The following WDR44 variants were observed in gnomAD, a reference collection of about 807,000 sequenced individuals.
WDR44 encodes the protein WD repeat-containing protein 44.
A neutral mutation model predicts 65.7 loss-of-function variants in WDR44; 9 were observed. The ratio of observed to expected loss-of-function variants is 0.14; its 90% CI spans 0.08 to 0.24. The LOEUF (loss-of-function observed/expected upper bound fraction) is 0.24. WDR44 is among the 10% of genes least tolerant of loss of function. The pLI, the probability that WDR44 is intolerant of heterozygous loss-of-function variation, is 1.00. For synonymous variants in WDR44, 220 were observed against 235.2 expected (o/e 0.94, Z 0.59); for missense variants, 425 against 670.9 (o/e 0.63, Z 4.05).
At position 118,352,318 on chromosome X, in the gene WDR44, T is replaced by TTATA. The variant is rs1234642278; in HGVS notation, c.77+5770_77+5773dup. On this transcript the variant is annotated intron_variant, in intron 1 of 19. Coordinates refer to ENST00000254029, the MANE Select transcript of WDR44 (RefSeq NM_019045.5). ...ATGTGCACCACCACGCCCAGCTAATTTATATATATATATATATATATATAT... is the reference window on the plus strand; with the variant it reads ...ATGTGCACCACCACGCCCAGCTAATTTATATATATATATATATATATATATATAT... 7.4e-3 allele frequency among the ~76,000 whole-genome samples: 124 copies of TTATA among 16,842 alleles called. 2 individuals are homozygous for TTATA. Among genetic ancestry groups the TTATA allele is most frequent in the Non-Finnish European group, 9.9e-3 (105 of 10,603 alleles). The allele number at this position is 16,842 out of a possible 115,157, so 14.6% of individuals were successfully genotyped here. A position where few individuals can be genotyped will look rare whatever the true frequency, so the allele number is the denominator to read the frequency against.
chrX:118,375,094 A>T (rs1002421944), intron 1 of WDR44, among the ~76,000 whole-genome samples: 7 of 111,890 alleles, frequency 6.3e-5, no homozygotes, highest in Non-Finnish European at 1.3e-4. Flanking sequence ...TAATTAGCCA[A>T]TAACTTTGAT....
chrX:118,432,955 C>A, intron 13 of WDR44, 61 bp downstream of exon 13: 1 of 1,026,155 alleles, frequency 9.7e-7, no homozygotes, highest in Non-Finnish European at 1.4e-6. Context: ...ATGCTGTAGT[C>A]TTAAAGCAGA....
In WDR44 at chrX:118,387,428, A is replaced by G. The variant is rs1170955329; in HGVS notation, c.186+14A>G. The G allele has an allele frequency of 8.9e-7, 1 of 1,126,640 alleles. No individual in the cohort carries two copies. The highest frequency in any genetic ancestry group is 2.0e-5 in the South Asian group (1 of 51,135). 92.8% of individuals were successfully genotyped at this position (1,126,640 alleles called of 1,213,427 possible). ...GTGTCTAAAAAGGTTGGAAAGATAC[A>G]ATGTCAATATTAGTTTATAGCAGAC... On this transcript the variant is annotated intron_variant, in intron 3 of 19. Transcript: ENST00000254029.
intron 17 of WDR44, among the ~76,000 whole-genome samples, chrX:118,443,011 G>T (rs1005811176): frequency 3.3e-4 from 37 of 110,857 alleles, no homozygotes; most frequent in African/African-American, 1.2e-3. Flanking sequence ...GGCTCATCCC[G>T]CCACTCCCCT....
At chrX:118,421,628 G>A (rs1365047887) in intron 12 of WDR44, among the ~76,000 whole-genome samples, 1 of 111,296 alleles carries the variant, frequency 9.0e-6, no homozygotes, top group African/African-American at 3.3e-5. Flanking sequence ...TCAGTCTTTT[G>A]TCTTAGCATC....
At chrX:118,417,896 T>C (rs777170065) in intron 12 of WDR44, among the ~76,000 whole-genome samples, 16 of 112,121 alleles carry the variant, frequency 1.4e-4, no homozygotes, top group African/African-American at 4.9e-4. Flanking sequence ...CTTTTTTCTT[T>C]GTCTTTGTTG....
chrX:118,409,363 T>G, intron 10 of WDR44, 126 bp from the exon 11 acceptor site: 1 of 666,418 alleles, frequency 1.5e-6, no homozygotes, highest in Non-Finnish European at 2.2e-6. Context: ...CTCCTGACCT[T>G]AGGTGATCCA....
chrX:118,386,237 GT>G (rs759101682), intron 2 of WDR44, among the ~76,000 whole-genome samples: 2 of 110,618 alleles, frequency 1.8e-5, no homozygotes, highest in Middle Eastern at 4.7e-3. Flanking sequence ...AAGAATTATG[GT>G]TTTTTTTCCT....
chrX:118,373,952 A>G (rs1239503773), intron 1 of WDR44, among the ~76,000 whole-genome samples: 2 of 110,546 alleles, frequency 1.8e-5, no homozygotes, highest in African/African-American at 6.6e-5. Flanking sequence ...TTATTTTTTC[A>G]TTATACTTTA....
intron 12 of WDR44, among the ~76,000 whole-genome samples, chrX:118,431,728 C>T (rs1358155119): frequency 8.9e-6 from 1 of 112,264 alleles, no homozygotes; most frequent in Non-Finnish European, 1.9e-5. Flanking sequence ...GCTTAGCTAA[C>T]CCTCTGTTCT....
chrX:118,368,070 C>T (rs1320184379), intron 1 of WDR44, among the ~76,000 whole-genome samples: 1 of 111,724 alleles, frequency 9.0e-6, no homozygotes, highest in Non-Finnish European at 1.9e-5. Flanking sequence ...TCTCAACATA[C>T]TAAATTAGAG....
chrX:118,391,118 A>G (rs1431798648), intron 3 of WDR44, among the ~76,000 whole-genome samples: 1 of 112,092 alleles, frequency 8.9e-6, no homozygotes, highest in East Asian at 2.8e-4. Context: ...CTTCTTTTCC[A>G]GTAGTTCCTT....
At chrX:118,424,149 A>G (rs192000560) in intron 12 of WDR44, among the ~76,000 whole-genome samples, 39 of 107,132 alleles carry the variant, frequency 3.6e-4, no homozygotes, top group African/African-American at 1.2e-3. Context: ...TGGTAGTTCT[A>G]TTTTAAGTTT....
intron 3 of WDR44, among the ~76,000 whole-genome samples, chrX:118,391,479 TGTA>T (rs1248000474): frequency 1.3e-4 from 15 of 111,927 alleles, no homozygotes; most frequent in African/African-American, 4.9e-4. Flanking sequence ...AGCATGAAAT[TGTA>T]GTAAACCAGA....
chrX:118,437,765 C>T (rs1234698472), intron 14 of WDR44, among the ~76,000 whole-genome samples: 2 of 111,831 alleles, frequency 1.8e-5, no homozygotes, highest in African/African-American at 6.5e-5. Context: ...GGGCCAGGCG[C>T]GGTGGCTCAC....
chrX:118,376,520 G>A lies in WDR44; in HGVS notation c.78-1899G>A, dbSNP rs576941011. On this transcript the variant is annotated intron_variant, in intron 1 of 19. Coordinates refer to ENST00000254029, the MANE Select transcript of WDR44 (RefSeq NM_019045.5). ...TGAAGGTGCCTTTCAATTCAAATTT[G>A]CATCATGTAATCATTGGATTTTACC... Among the ~76,000 whole-genome samples the A allele has an allele frequency of 2.0e-4, 22 of 110,825 alleles. No individual in the cohort carries two copies. In the South Asian group the frequency reaches 8.3e-3, roughly 42 times the overall value.
intron 1 of WDR44, among the ~76,000 whole-genome samples, chrX:118,369,296 C>T (rs1229768973): frequency 2.8e-5 from 3 of 106,424 alleles, no homozygotes; most frequent in Non-Finnish European, 5.8e-5. Flanking sequence ...CTCAGCCTCC[C>T]GACTAGCTGG....
chrX:118,411,900 A>G (rs1462688331), intron 12 of WDR44, among the ~76,000 whole-genome samples: 3 of 112,088 alleles, frequency 2.7e-5, no homozygotes, highest in African/African-American at 6.5e-5. Flanking sequence ...TCCTTCAACA[A>G]ATGTTTTCTG....
intron 12 of WDR44, among the ~76,000 whole-genome samples, chrX:118,415,665 G>A (rs754585774): frequency 8.4e-4 from 93 of 110,834 alleles, no homozygotes; most frequent in African/African-American, 2.8e-3. Flanking sequence ...CACCATGCCC[G>A]GCTAGTTTTT....
Sources: gnomAD v4.1 joint callset for allele counts (sites outside exome capture counted in the v4.1 genomes callset) on GRCh38, gnomAD v4.1.1 for gene constraint, MANE v1.5 for transcripts, NCBI Gene and HGNC (gene_info 2026-07-23, HGNC 2026-07-21) for gene names.